Variants in NRXN3 observed in about 807,000 individuals in gnomAD.
NRXN3 encodes neurexin III.
NRXN3 carries 32 observed loss-of-function variants against 137.6 expected under a neutral mutation model. The observed-to-expected ratio is 0.23, with a 90% CI of 0.18 to 0.31. NRXN3 has a LOEUF of 0.31. Among genes scored for constraint, NRXN3 ranks in the 10% least tolerant of loss-of-function variants. The pLI, the probability that NRXN3 is intolerant of heterozygous loss-of-function variation, is 1.00. For synonymous variants in NRXN3, 798 were observed against 784.5 expected (o/e 1.02, Z -0.29); for missense variants, 1,574 against 2,062.5 (o/e 0.76, Z 4.59).
chr14:78,701,022 G>A (rs578171806), intron 6 of NRXN3, among the ~76,000 whole-genome samples: 161 of 152,110 alleles, frequency 1.1e-3, no homozygotes, highest in African/African-American at 3.6e-3. Flanking sequence ...CACCTGCCTC[G>A]GCCTCCCAAA....
chr14:79,079,915 G>A (rs1052193963), intron 15 of NRXN3, among the ~76,000 whole-genome samples: 1 of 152,118 alleles, frequency 6.6e-6, no homozygotes, highest in African/African-American at 2.4e-5. Context: ...TTGAACCTGG[G>A]AGGCAGAGGT....
At chr14:79,282,426 C>G (rs1191618633) in intron 15 of NRXN3, among the ~76,000 whole-genome samples, 4 of 152,106 alleles carry the variant, frequency 2.6e-5, no homozygotes, top group Non-Finnish European at 5.9e-5. Context: ...TAAACAGTTA[C>G]AGCAGATACT....
intron 15 of NRXN3, among the ~76,000 whole-genome samples, chr14:79,178,563 A>T (rs1463741652): frequency 6.6e-6 from 1 of 152,174 alleles, no homozygotes; most frequent in African/African-American, 2.4e-5. Context: ...TTACTAATTT[A>T]TTGCTAGTTT....
chr14:79,537,043 C>T (rs1391255290), intron 16 of NRXN3, among the ~76,000 whole-genome samples: 1 of 152,136 alleles, frequency 6.6e-6, no homozygotes, highest in Non-Finnish European at 1.5e-5. Context: ...ACACTGTTTT[C>T]CATAATGTTT....
At chr14:79,228,199 T>C (rs2153274763) in intron 15 of NRXN3, among the ~76,000 whole-genome samples, 1 of 152,282 alleles carries the variant, frequency 6.6e-6, no homozygotes, top group Admixed American at 6.5e-5. Flanking sequence ...GCAAAAGCTT[T>C]CCCTGAAGTG....
At chr14:79,193,770 A>G (rs897835354) in intron 15 of NRXN3, among the ~76,000 whole-genome samples, 3 of 152,176 alleles carry the variant, frequency 2.0e-5, no homozygotes, top group African/African-American at 7.2e-5. Flanking sequence ...CACTAGAGGA[A>G]TGAGATCTCC....
intron 4 of NRXN3, among the ~76,000 whole-genome samples, chr14:78,531,306 T>C (rs1214818824): frequency 6.6e-6 from 1 of 152,160 alleles, no homozygotes; most frequent in Non-Finnish European, 1.5e-5. Context: ...GAGAGTGAAG[T>C]TTTCTTCCTA....
chr14:79,471,389 C>T (rs1057382742), intron 16 of NRXN3, among the ~76,000 whole-genome samples: 10 of 152,168 alleles, frequency 6.6e-5, no homozygotes, highest in African/African-American at 2.4e-4. Flanking sequence ...GTTTTGTGAA[C>T]GTGCACTACA....
chr14:78,602,216 T>A (rs1322096609), intron 4 of NRXN3, among the ~76,000 whole-genome samples: 1 of 151,290 alleles, frequency 6.6e-6, no homozygotes, highest in Non-Finnish European at 1.5e-5. Context: ...TCTTTCTGAA[T>A]ACATGTAGGG....
At chr14:78,268,094 G>A (rs749907227) in intron 2 of NRXN3, among the ~76,000 whole-genome samples, 12 of 152,172 alleles carry the variant, frequency 7.9e-5, no homozygotes, top group Non-Finnish European at 1.5e-4. Context: ...GATGTTACTA[G>A]ATGTTTAATG....
intron 16 of NRXN3, among the ~76,000 whole-genome samples, chr14:79,569,532 G>A (rs2097577978): frequency 6.6e-6 from 1 of 151,870 alleles, no homozygotes; most frequent in South Asian, 2.1e-4. Context: ...TTCCCACAAT[G>A]CCCTCCATTT....
intron 15 of NRXN3, among the ~76,000 whole-genome samples, chr14:79,376,851 C>G (rs2094317281): frequency 1.3e-5 from 2 of 152,154 alleles, no homozygotes; most frequent in African/African-American, 2.4e-5. Context: ...GATTTACACC[C>G]AAGTAGCAAA....
intron 3 of NRXN3, among the ~76,000 whole-genome samples, chr14:78,291,352 T>A (rs1596892494): frequency 6.6e-6 from 1 of 152,368 alleles, no homozygotes; most frequent in Admixed American, 6.5e-5. Flanking sequence ...ATGTCTCGTC[T>A]GTGATAAACA....
At chr14:78,692,910 G>A (rs146886792) in intron 6 of NRXN3, among the ~76,000 whole-genome samples, 35 of 150,098 alleles carry the variant, frequency 2.3e-4, no homozygotes, top group Admixed American at 1.1e-3. Flanking sequence ...GTGAAATCCC[G>A]TCTCTACTAA....
chr14:79,206,864 C>A (rs189561013), intron 15 of NRXN3, among the ~76,000 whole-genome samples: 223 of 152,216 alleles, frequency 1.5e-3, no homozygotes, highest in African/African-American at 5.2e-3. Flanking sequence ...TGCACATAAC[C>A]AGGAAACTAA....
chr14:79,810,177 C>T lies in NRXN3; in HGVS notation c.4093+4987C>T, dbSNP rs1224690371. On this transcript the variant is annotated intron_variant, in intron 20 of 20. Transcript: ENST00000335750. ...TTCAAGATTCTAAAAGTCTTGGGGG[C>T]AGGAGGCCACAGAGCAGAGCGAAAA... is the stretch of plus-strand genomic sequence containing the variant. Among the ~76,000 whole-genome samples the T allele has an allele frequency of 2.0e-5, 3 of 151,968 alleles. No individual in the cohort carries two copies. The East Asian group carries it at 5.8e-4, about 29-fold the overall frequency.
rs555854456 is a variant in NRXN3 at position 78,321,543 on chromosome 14, A to G, written c.757+23683A>G. On this transcript the variant is annotated intron_variant, in intron 4 of 20. Transcript: ENST00000335750. ...AATGAGTAGTTGTCATTGTTTTTTA[A>G]AGGTTCCTGCAAGGCTCTCTGTTGG... Among the ~76,000 whole-genome samples the G allele has an allele frequency of 8.5e-5, 13 of 152,088 alleles. No individual in the cohort carries two copies. In the South Asian group the frequency reaches 2.7e-3, roughly 32 times the overall value.
intron 3 of NRXN3, among the ~76,000 whole-genome samples, chr14:78,291,518 C>G (rs1180873119): frequency 6.6e-6 from 1 of 152,188 alleles, no homozygotes; most frequent in Non-Finnish European, 1.5e-5. Context: ...CCACTTTCCT[C>G]TTTAAAATGC....
intron 15 of NRXN3, among the ~76,000 whole-genome samples, chr14:79,134,639 T>C (rs553873537): frequency 1.3e-5 from 2 of 152,334 alleles, no homozygotes; most frequent in East Asian, 3.9e-4. Context: ...CTGTGTTGCT[T>C]GTGTCCAGAA....
Sources: gnomAD v4.1 joint callset for allele counts (sites outside exome capture counted in the v4.1 genomes callset) on GRCh38, gnomAD v4.1.1 for gene constraint, MANE v1.5 for transcripts, NCBI Gene and HGNC (gene_info 2026-07-23, HGNC 2026-07-21) for gene names.